GPHN: variants seen among roughly 807,000 people sequenced by gnomAD.
GPHN encodes the protein gephyrin.
A neutral mutation model predicts 95.5 loss-of-function variants in GPHN; 17 were observed. The ratio of observed to expected loss-of-function variants is 0.18; its 90% CI spans 0.12 to 0.27. GPHN has a LOEUF of 0.27. GPHN is among the 10% of genes least tolerant of loss of function. The pLI is 1.00. For missense variants in GPHN, 660 were observed against 978.1 expected (o/e 0.67, Z 4.34); for synonymous variants, 320 against 322.5 (o/e 0.99, Z 0.08).
intron 1 of GPHN, among the ~76,000 whole-genome samples, chr14:66,645,198 C>A (rs1003380307): frequency 3.3e-5 from 5 of 151,944 alleles, no homozygotes; most frequent in Admixed American, 6.6e-5. Context: ...CAAGCATTAC[C>A]TGGATAACAT....
intron 8 of GPHN, among the ~76,000 whole-genome samples, chr14:66,958,100 G>T (rs901070632): frequency 7.2e-5 from 11 of 152,132 alleles, no homozygotes; most frequent in Non-Finnish European, 2.9e-5. Context: ...ATTATTAAAA[G>T]TGGAATATTG....
Position 66,508,152 on chromosome 14 carries a change from CCT to C in GPHN, c.-372_-371del. 2 of 454,800 alleles carry C rather than the reference CCT, an allele frequency of 4.4e-6. No homozygotes were observed. The highest frequency in any genetic ancestry group is 8.1e-6 in the Non-Finnish European group (2 of 245,596). The allele number at this position is 454,800 out of a possible 1,614,324, so 28.2% of individuals were successfully genotyped here. On this transcript the variant is annotated 5_prime_UTR_variant, in exon 1 of 23. Transcript: ENST00000478722. ...ACCTCCAGAGCGTGTGCTATCCTTT[CCT>C]CTCAGTCCTGCCATCTAGCTGCCTT...
intron 2 of GPHN, among the ~76,000 whole-genome samples, chr14:66,711,395 A>G (rs1464591383): frequency 6.6e-6 from 1 of 152,046 alleles, no homozygotes; most frequent in Non-Finnish European, 1.5e-5. Flanking sequence ...GCTGAGTAGT[A>G]TTCCTTTGTA....
At chr14:66,982,709 A>G (rs529255182) in intron 9 of GPHN, among the ~76,000 whole-genome samples, 37 of 152,162 alleles carry the variant, frequency 2.4e-4, no homozygotes, top group Non-Finnish European at 4.6e-4. Flanking sequence ...AGTAATCTCA[A>G]TTTACTCCAC....
the GPHN span, among the ~76,000 whole-genome samples, chr14:67,478,374 TC>T: frequency 6.6e-6 from 1 of 152,174 alleles, no homozygotes; most frequent in Non-Finnish European, 1.5e-5. Flanking sequence ...TTGGGATCCA[TC>T]CCCTCCTCTT....
intron 1 of GPHN, among the ~76,000 whole-genome samples, chr14:66,510,211 A>G (rs993767328): frequency 1.3e-5 from 2 of 152,208 alleles, no homozygotes; most frequent in East Asian, 1.9e-4. Flanking sequence ...GTCAAAGTGT[A>G]TATCTTTTAT....
At chr14:67,150,366 G>A (rs1340217775) in intron 18 of GPHN, among the ~76,000 whole-genome samples, 8 of 147,384 alleles carry the variant, frequency 5.4e-5, no homozygotes, top group African/African-American at 1.3e-4. Context: ...GCGTGAACCC[G>A]GGAGGCGGAG....
intron 16 of GPHN, 110 bp from the exon 17 acceptor site, chr14:67,122,146 C>A: frequency 1.0e-6 from 1 of 992,492 alleles, no homozygotes; most frequent in Non-Finnish European, 1.6e-6. Flanking sequence ...ATGCCAGATA[C>A]CATTGTAGGT....
chr14:67,288,457 C>T, the GPHN span, among the ~76,000 whole-genome samples: 1,836 of 152,058 alleles, frequency 0.012, 19 homozygotes, highest in Non-Finnish European at 0.018. Flanking sequence ...TTTGGGTGGA[C>T]GAGGCAGGAA....
At chr14:67,668,705 C>A in the GPHN span, among the ~76,000 whole-genome samples, 1 of 152,168 alleles carries the variant, frequency 6.6e-6, no homozygotes, top group Admixed American at 6.5e-5. Flanking sequence ...CAGTGGCTTT[C>A]ACACTTAGCC....
intron 18 of GPHN, among the ~76,000 whole-genome samples, chr14:67,153,256 G>A (rs1270369516): frequency 6.6e-6 from 1 of 152,210 alleles, no homozygotes; most frequent in Non-Finnish European, 1.5e-5. Flanking sequence ...CTCCAGCCTA[G>A]GCAACAAAAT....
chr14:66,976,359 T>C (rs1442573825), intron 9 of GPHN, among the ~76,000 whole-genome samples: 1 of 152,220 alleles, frequency 6.6e-6, no homozygotes, highest in Admixed American at 6.5e-5. Context: ...TTTAATTGTT[T>C]GGGACATATT....
At chr14:66,999,031 A>G (rs1049199058) in intron 9 of GPHN, among the ~76,000 whole-genome samples, 4 of 151,854 alleles carry the variant, frequency 2.6e-5, no homozygotes, top group African/African-American at 9.7e-5. Context: ...CATTTTAAAG[A>G]TGAGGAAATT....
At chr14:67,685,093 G>C in the GPHN span, 1 of 1,614,120 alleles carries the variant, frequency 6.2e-7, no homozygotes, top group Non-Finnish European at 8.5e-7. Flanking sequence ...CTGCTGAGGA[G>C]TCTTGATGAA....
intron 1 of GPHN, among the ~76,000 whole-genome samples, chr14:66,540,833 G>A (rs1180998811): frequency 6.6e-6 from 1 of 152,180 alleles, no homozygotes; most frequent in African/African-American, 2.4e-5. Flanking sequence ...GAGTGCAGTG[G>A]TGTGATCTCG....
In GPHN at chr14:66,547,881, T is replaced by C. The variant is rs73279751; in HGVS notation, c.64+39290T>C. Among the ~76,000 whole-genome samples, 1,396 of 152,334 alleles carry C rather than the reference T, an allele frequency of 9.2e-3. 24 individuals carry two copies. Among genetic ancestry groups the C allele is most frequent in the African/African-American group, 0.032 (1,319 of 41,578 alleles). On this transcript the variant is annotated intron_variant, in intron 1 of 22. Coordinates refer to ENST00000478722, the MANE Select transcript of GPHN (RefSeq NM_020806.5). ...ATACTTAAAAATGAGATAATAAATA[T>C]AAAAGTGCCATAAAACATTGTGTTG...
At chr14:67,034,166 A>G (rs1419330378) in intron 10 of GPHN, among the ~76,000 whole-genome samples, 1 of 152,204 alleles carries the variant, frequency 6.6e-6, no homozygotes, top group Non-Finnish European at 1.5e-5. Context: ...ATATATATAT[A>G]CAAATTCAGA....
intron 10 of GPHN, among the ~76,000 whole-genome samples, chr14:67,026,667 C>T (rs936217442): frequency 4.6e-5 from 7 of 151,930 alleles, no homozygotes; most frequent in African/African-American, 1.5e-4. Flanking sequence ...GTTTTTGAGA[C>T]GGAGTCCCGC....
chr14:67,496,574 A>C, the GPHN span, among the ~76,000 whole-genome samples: 4 of 151,542 alleles, frequency 2.6e-5, no homozygotes, highest in African/African-American at 9.7e-5. Flanking sequence ...CTGGAAGAGA[A>C]GTAGACGTGA....
Sources: allele counts gnomAD v4.1 joint callset (sites outside exome capture counted in the v4.1 genomes callset), GRCh38; gene constraint gnomAD v4.1.1; transcripts MANE v1.5; gene names NCBI Gene and HGNC (gene_info 2026-07-23, HGNC 2026-07-21).